The following PCYT1B variants were observed in gnomAD, a reference collection of about 807,000 sequenced individuals.
PCYT1B encodes choline-phosphate cytidylyltransferase B.
In PCYT1B, 10 loss-of-function variants were observed where a neutral mutation model predicts 26.4. That is an observed-to-expected ratio of 0.38 (90% CI 0.23 to 0.64). The LOEUF (loss-of-function observed/expected upper bound fraction) is 0.64. Ranked by LOEUF, PCYT1B falls within the 30% of genes least tolerant of loss-of-function variation. PCYT1B has a pLI of 0.56. For synonymous variants in PCYT1B, 131 were observed against 108.4 expected, an observed-to-expected ratio of 1.21 and a Z score of -1.29; for missense variants, 161 against 292.7, an observed-to-expected ratio of 0.55 and a Z score of 3.28.
At chrX:24,672,872 T>C (rs1188074593), upstream of PCYT1B, among the ~76,000 whole-genome samples, 1 of 112,136 alleles carries the variant, frequency 8.9e-6, no homozygotes, top group Non-Finnish European at 1.9e-5. Flanking sequence ...CTCTGGGCTG[T>C]TGTTCATTGA....
Position 24,558,584 on chromosome X carries a change from T to C in PCYT1B, c.*3709A>G, listed in dbSNP as rs777626711. ...ATAAGTACTGAAGACGGAGAGAAAA[T>C]AAATCCGTGCTCTTCCTGTCCCTCC... is the stretch of plus-strand genomic sequence containing the variant. On this transcript the variant is annotated 3_prime_UTR_variant, in exon 8 of 8. Transcript: ENST00000379144. 9.5e-6 allele frequency: 1 copy of C among 104,915 alleles called. No individual in the cohort carries two copies. Among genetic ancestry groups the C allele is most frequent in the Non-Finnish European group, 1.9e-5 (1 of 51,425 alleles). The allele number at this position is 104,915 out of a possible 1,213,427, so 8.6% of individuals were successfully genotyped here.
intron 2 of PCYT1B, among the ~76,000 whole-genome samples, chrX:24,612,428 C>T (rs1925337272): frequency 9.0e-6 from 1 of 111,624 alleles, no homozygotes; most frequent in Admixed American, 9.5e-5. Context: ...AACTCTCAAA[C>T]CTCAGTAAGA....
intron 1 of PCYT1B, among the ~76,000 whole-genome samples, chrX:24,633,081 G>A (rs1415660295): frequency 9.3e-6 from 1 of 107,514 alleles, no homozygotes; most frequent in African/African-American, 3.4e-5. Flanking sequence ...GTGGTGGCAC[G>A]TGCCTGTAAT....
At chrX:24,616,727 T>G (rs1470498860) in intron 2 of PCYT1B, among the ~76,000 whole-genome samples, 3 of 111,976 alleles carry the variant, frequency 2.7e-5, no homozygotes, top group Non-Finnish European at 5.6e-5. Context: ...TTAACAAGCA[T>G]ACCAGGTGAT....
intron 7 of PCYT1B, among the ~76,000 whole-genome samples, chrX:24,564,141 C>T (rs1923534698): frequency 9.2e-6 from 1 of 108,265 alleles, no homozygotes; most frequent in Admixed American, 9.8e-5. Flanking sequence ...GAGATGGCGC[C>T]ACTGTACTCC....
intron 1 of PCYT1B, among the ~76,000 whole-genome samples, chrX:24,663,718 A>G (rs998956580): frequency 6.3e-5 from 7 of 111,158 alleles, no homozygotes; most frequent in African/African-American, 2.3e-4. Context: ...GGAGTTTGAG[A>G]CCAGCCTGGC....
At chrX:24,585,556 C>A (rs959180078) in intron 5 of PCYT1B, among the ~76,000 whole-genome samples, 2 of 110,674 alleles carry the variant, frequency 1.8e-5, no homozygotes, top group African/African-American at 6.6e-5. Flanking sequence ...CAGTCTCAGG[C>A]CAAAGTGGGG....
chrX:24,629,706 T>C (rs1416402532), intron 1 of PCYT1B, among the ~76,000 whole-genome samples: 1 of 109,927 alleles, frequency 9.1e-6, no homozygotes, highest in East Asian at 2.8e-4. Context: ...ACTGCCCTTT[T>C]GGTGATCAGA....
chrX:24,636,674 A>G (rs1447707901), intron 1 of PCYT1B, among the ~76,000 whole-genome samples: 1 of 112,611 alleles, frequency 8.9e-6, no homozygotes, highest in African/African-American at 3.2e-5. Flanking sequence ...CTAAGTACAC[A>G]CAGCCACATA....
intron 2 of PCYT1B, 51 bp from the exon 3 acceptor site, chrX:24,607,912 A>C: frequency 1.6e-6 from 1 of 641,196 alleles, no homozygotes; most frequent in Non-Finnish European, 2.5e-6. Context: ...GAGGAATCCC[A>C]GTTACCTTCT....
intron 7 of PCYT1B, among the ~76,000 whole-genome samples, chrX:24,573,562 G>A (rs1923923461): frequency 9.0e-6 from 1 of 110,770 alleles, no homozygotes; most frequent in Admixed American, 9.8e-5. Context: ...ACACCTACAT[G>A]GTTTCATTAA....
In PCYT1B at chrX:24,558,651, A is replaced by G. The variant is rs1277208850; in HGVS notation, c.*3642T>C. ...ACAGTATCTAGTAGCCTAAGAGCAA[A>G]ACTGAAATCCCTAAGCTGTGTCTCT... is the stretch of plus-strand genomic sequence containing the variant. On this transcript the variant is annotated 3_prime_UTR_variant, in exon 8 of 8. Transcript: ENST00000379144. 1 of 105,090 alleles carries G rather than the reference A, an allele frequency of 9.5e-6. No individual in the cohort carries two copies. The highest frequency in any genetic ancestry group is 3.5e-5 in the African/African-American group (1 of 28,667). 8.7% of individuals were successfully genotyped at this position (105,090 alleles called of 1,213,427 possible).
At chrX:24,613,950 C>CAAAAAAAAAA (rs200062439) in intron 2 of PCYT1B, among the ~76,000 whole-genome samples, 69 of 77,166 alleles carry the variant, frequency 8.9e-4, no homozygotes, top group Non-Finnish European at 1.4e-3. Flanking sequence ...AACAACCTGT[C>CAAAAAAAAAA]AAAAAAAAAA....
At chrX:24,669,662 A>C (rs1438160078) in intron 1 of PCYT1B, among the ~76,000 whole-genome samples, 1 of 108,928 alleles carries the variant, frequency 9.2e-6, no homozygotes, top group Non-Finnish European at 1.9e-5. Flanking sequence ...AAAAAGTGAA[A>C]TTGGATGCTG....
chrX:24,644,654 A>G (rs904477746), intron 1 of PCYT1B, among the ~76,000 whole-genome samples: 4 of 111,409 alleles, frequency 3.6e-5, no homozygotes, highest in African/African-American at 1.3e-4. Flanking sequence ...CCCTCTCTGA[A>G]CCTCAGTTTC....
intron 2 of PCYT1B, among the ~76,000 whole-genome samples, chrX:24,618,548 C>G (rs1328963149): frequency 9.0e-6 from 1 of 110,650 alleles, no homozygotes; most frequent in Non-Finnish European, 1.9e-5. Context: ...TACCCTTGCA[C>G]TGCGTTATAA....
chrX:24,610,497 A>C (rs1319637488), intron 2 of PCYT1B, among the ~76,000 whole-genome samples: 3 of 112,077 alleles, frequency 2.7e-5, no homozygotes, highest in Non-Finnish European at 5.6e-5. Flanking sequence ...GTTCTTATTC[A>C]ATGTGAATTC....
At chrX:24,663,317 G>A (rs1454909051) in intron 1 of PCYT1B, among the ~76,000 whole-genome samples, 1 of 112,429 alleles carries the variant, frequency 8.9e-6, no homozygotes, top group Non-Finnish European at 1.9e-5. Context: ...CTGTGTTCTT[G>A]AGCGAGTACT....
intron 2 of PCYT1B, among the ~76,000 whole-genome samples, chrX:24,608,371 A>G (rs1285750432): frequency 1.8e-5 from 2 of 111,832 alleles, no homozygotes; most frequent in East Asian, 2.8e-4. Context: ...GCCACGATAG[A>G]GTGCTTCCAC....
Sources: gnomAD v4.1 joint callset for allele counts (sites outside exome capture counted in the v4.1 genomes callset) on GRCh38, gnomAD v4.1.1 for gene constraint, MANE v1.5 for transcripts, NCBI Gene and HGNC (gene_info 2026-07-23, HGNC 2026-07-21) for gene names.